PRMT9: variants seen among roughly 807,000 people sequenced by gnomAD.
PRMT9 encodes the protein protein arginine N-methyltransferase 9.
A neutral mutation model predicts 83.2 loss-of-function variants in PRMT9; 59 were observed. The ratio of observed to expected loss-of-function variants is 0.71; its 90% CI spans 0.57 to 0.88. PRMT9 has a LOEUF of 0.88. Among genes scored for constraint, PRMT9 ranks in the 40% least tolerant of loss-of-function variants. The probability of loss-of-function intolerance (pLI) is 0.00; values close to 1 mark genes in which losing one functional copy is unlikely to be tolerated. For missense variants in PRMT9, 947 were observed against 1,021.9 expected, an observed-to-expected ratio of 0.93 and a Z score of 1.00; for synonymous variants, 333 against 353.2, an observed-to-expected ratio of 0.94 and a Z score of 0.64.
chr4:147,666,697 G>A (rs992073521), intron 6 of PRMT9, among the ~76,000 whole-genome samples: 2 of 151,884 alleles, frequency 1.3e-5, no homozygotes, highest in African/African-American at 4.8e-5. Flanking sequence ...CAGCTGATTA[G>A]GTGCCAAATG....
At chr4:147,679,824 A>G (rs1450747027) in intron 2 of PRMT9, among the ~76,000 whole-genome samples, 2 of 152,220 alleles carry the variant, frequency 1.3e-5, no homozygotes, top group African/African-American at 4.8e-5. Context: ...TCTAGCACCA[A>G]GCTCCTGAAA....
chr4:147,684,096 A>C lies in PRMT9; in HGVS notation c.-109T>G. The C allele has an allele frequency of 7.9e-7, 1 of 1,262,222 alleles. No homozygotes were observed. The highest frequency in any genetic ancestry group is 1.1e-6 in the Non-Finnish European group (1 of 895,626). The allele number at this position is 1,262,222 out of a possible 1,614,324, so 78.2% of individuals were successfully genotyped here. The stretch of plus-strand genomic sequence containing the variant: ...CAGACAACTGCTCAAAAAACAGCAC[A>C]GCAAAGTTACCCTCCGCCGCGGGTG... On this transcript the variant is annotated 5_prime_UTR_variant, in exon 1 of 12. Coordinates refer to ENST00000322396, the MANE Select transcript of PRMT9 (RefSeq NM_138364.4).
At chr4:147,649,952 G>GA (rs908959246) in intron 9 of PRMT9, among the ~76,000 whole-genome samples, 10 of 152,184 alleles carry the variant, frequency 6.6e-5, no homozygotes, top group African/African-American at 2.4e-4. Flanking sequence ...AATGGACGCA[G>GA]AAAAAGCATT....
chr4:147,672,531 T>C (rs1560704117), intron 4 of PRMT9, among the ~76,000 whole-genome samples: 1 of 152,250 alleles, frequency 6.6e-6, no homozygotes, highest in African/African-American at 2.4e-5. Context: ...TGCCAAAATA[T>C]ACTGACAGCT....
chr4:147,639,549 A>G (rs1052023035), intron 10 of PRMT9, among the ~76,000 whole-genome samples: 2 of 152,182 alleles, frequency 1.3e-5, no homozygotes, highest in African/African-American at 4.8e-5. Flanking sequence ...GTGGCTCTCA[A>G]TCTTGGCTGC....
In PRMT9 at chr4:147,668,663, A is replaced by G. The variant is rs762900015; in HGVS notation, c.847-18T>C. On this transcript the variant is annotated intron_variant, in intron 5 of 11. Coordinates refer to ENST00000322396, the MANE Select transcript of PRMT9 (RefSeq NM_138364.4). ...CCTTTGGTCTAAAAAAAATAACAAT[A>G]AGAATTATGTTATCACATGTATGTA... is the stretch of plus-strand genomic sequence containing the variant. 1 of 1,383,752 alleles carries G rather than the reference A, an allele frequency of 7.2e-7. No homozygotes were observed. The highest frequency in any genetic ancestry group is 1.0e-6 in the Non-Finnish European group (1 of 971,204). 85.7% of individuals were successfully genotyped at this position (1,383,752 alleles called of 1,614,324 possible). A position where few individuals can be genotyped will look rare whatever the true frequency, so the allele number is the denominator to read the frequency against.
At position 147,638,991 on chromosome 4, in the gene PRMT9, G is replaced by A. The variant is rs1578868440; in HGVS notation, c.2291C>T (p.Pro764Leu). 5 of 1,612,172 alleles carry A rather than the reference G, an allele frequency of 3.1e-6. No homozygotes were observed. The highest frequency in any genetic ancestry group is 1.1e-5 in the South Asian group (1 of 91,034). ...VELLRLDLMT[P>L]YLNTSNREVK... ...TTCTCTGTTAGAGGTGTTCAAATAC[G>A]GAGTCATTAAATCTAGTCTTAAGAG... Residue 764 changes from proline (P) to leucine (L), a missense_variant, in exon 11 of 12, where the codon CCG becomes CTG. By Grantham distance (98) the Pro-to-Leu change is moderately conservative. Transcript: ENST00000322396.
intron 10 of PRMT9, among the ~76,000 whole-genome samples, chr4:147,642,335 T>C (rs1733457327): frequency 6.6e-6 from 1 of 151,392 alleles, no homozygotes; most frequent in Non-Finnish European, 1.5e-5. Flanking sequence ...GCCTCCTGAG[T>C]TCAAGCGATT....
intron 10 of PRMT9, 160 bp from the exon 11 acceptor site, chr4:147,639,242 C>T: frequency 1.6e-6 from 1 of 631,996 alleles, no homozygotes; most frequent in Non-Finnish European, 2.7e-6. Flanking sequence ...TATATTCCCA[C>T]ATCAAGCTAA....
At chr4:147,643,514 T>G (rs2126572076) in intron 9 of PRMT9, among the ~76,000 whole-genome samples, 1 of 152,294 alleles carries the variant, frequency 6.6e-6, no homozygotes, top group Admixed American at 6.5e-5. Context: ...CACACGTCTT[T>G]AGATTCAGGA....
intron 9 of PRMT9, among the ~76,000 whole-genome samples, chr4:147,643,947 C>T (rs1174888188): frequency 1.3e-5 from 2 of 152,156 alleles, no homozygotes; most frequent in Non-Finnish European, 2.9e-5. Flanking sequence ...ACAGTGACTG[C>T]ACCACTAAAG....
chr4:147,642,992 G>A (rs750434508), intron 9 of PRMT9, 52 bp from the exon 10 acceptor site: 1 of 1,543,120 alleles, frequency 6.5e-7, no homozygotes, highest in East Asian at 2.3e-5. Flanking sequence ...GGCGACAGTG[G>A]CTCACGCCTG....
rs934353879 is a variant in PRMT9, at chr4:147,680,572, A to G, written c.190-101T>C. 7.6e-6 allele frequency: 7 copies of G among 924,912 alleles called. No homozygotes were observed. The Middle Eastern group carries it at 1.2e-3, about 163-fold the overall frequency. 57.3% of individuals were successfully genotyped at this position (924,912 alleles called of 1,614,324 possible). A position where few individuals can be genotyped will look rare whatever the true frequency, so the allele number is the denominator to read the frequency against. On this transcript the variant is annotated intron_variant, in intron 1 of 11. Transcript: ENST00000322396. ...TTCCAAGCAATCGAACTTAATCACTATTGAACAATCACCTTAAACTTCATT... is the reference window on the plus strand; with the variant it reads ...TTCCAAGCAATCGAACTTAATCACTGTTGAACAATCACCTTAAACTTCATT...
Position 147,683,941 on chromosome 4 carries a change from G to C in PRMT9, c.47C>G (p.Ala16Gly). 1.2e-6 allele frequency: 2 copies of C among 1,612,972 alleles called. No individual in the cohort carries two copies. Among genetic ancestry groups the C allele is most frequent in the South Asian group, 2.2e-5 (2 of 91,074 alleles). Reference protein sequence around the residue: ...PRSRRDAGGGAGAAGRDELVS... With the variant: ...PRSRRDAGGGGGAAGRDELVS... The stretch of plus-strand genomic sequence containing the variant: ...CAGCTCGTCCCGGCCGGCTGCCCCA[G>C]CGCCACCCCCGGCGTCTCGGCGGGA... The change falls in exon 1 of 12, where the codon GCT (alanine) becomes GGT (glycine). Residue 16 changes from alanine to glycine, a missense_variant. Ala to Gly is a moderately conservative substitution (Grantham distance 60). Transcript: ENST00000322396.
chr4:147,652,071 C>CA (rs1560975093), intron 9 of PRMT9, among the ~76,000 whole-genome samples: 1 of 152,072 alleles, frequency 6.6e-6, no homozygotes, highest in Non-Finnish European at 1.5e-5. Flanking sequence ...CATGTGTCAC[C>CA]ATTCTCAACA....
intron 2 of PRMT9, among the ~76,000 whole-genome samples, chr4:147,678,966 G>C (rs1248602769): frequency 6.6e-6 from 1 of 152,152 alleles, no homozygotes; most frequent in East Asian, 1.9e-4. Context: ...ACATGGTGAG[G>C]CCTGTGAGCC....
chr4:147,678,416 G>A (rs201563774), intron 2 of PRMT9, among the ~76,000 whole-genome samples: 1 of 152,214 alleles, frequency 6.6e-6, no homozygotes, highest in East Asian at 1.9e-4. Flanking sequence ...TTCAAACTCA[G>A]AAGCAATGTT....
chr4:147,666,325 C>A (rs961121484), intron 6 of PRMT9, among the ~76,000 whole-genome samples: 1 of 152,092 alleles, frequency 6.6e-6, no homozygotes, highest in African/African-American at 2.4e-5. Flanking sequence ...CTTCTGGGCC[C>A]TACTCTGTGT....
rs1736672479 is a variant in PRMT9 at position 147,683,834 on chromosome 4, G to C, written c.154C>G (p.Leu52Val). The change falls in exon 1 of 12, where the codon CTC becomes GTC. Residue 52 changes from leucine to valine, a missense_variant. Transcript: ENST00000322396. ...GTAYAHYLLVLSLAPELKHDV... is the reference protein window; with the variant it reads ...GTAYAHYLLVVSLAPELKHDV... The stretch of plus-strand genomic sequence containing the variant: ...TGTTTCAGCTCCGGCGCCAGGCTGA[G>C]CACGAGGAGGTAGTGGGCATAGGCA... The C allele has an allele frequency of 1.2e-6, 2 of 1,612,614 alleles. No homozygotes were observed. Among genetic ancestry groups the C allele is most frequent in the Non-Finnish European group, 1.7e-6 (2 of 1,179,834 alleles).
Sources: allele counts gnomAD v4.1 joint callset (sites outside exome capture counted in the v4.1 genomes callset), GRCh38; gene constraint gnomAD v4.1.1; transcripts MANE v1.5; gene names NCBI Gene and HGNC (gene_info 2026-07-23, HGNC 2026-07-21).